Variants in COL24A1 observed in about 807,000 individuals in gnomAD.
COL24A1 encodes the protein collagen alpha-1(XXIV) chain.
A neutral mutation model predicts 253.9 loss-of-function variants in COL24A1; 224 were observed. The ratio of observed to expected loss-of-function variants is 0.88; its 90% confidence interval spans 0.79 to 0.99. The LOEUF is 0.99. Among genes scored for constraint, COL24A1 ranks in the 50% least tolerant of loss-of-function variants. The pLI, the probability that COL24A1 is intolerant of heterozygous loss-of-function variation, is 0.00. For missense variants in COL24A1, 2,131 were observed against 2,068.5 expected (o/e 1.03, Z -0.59); for synonymous variants, 685 against 673.7 (o/e 1.02, Z -0.26).
intron 12 of COL24A1, among the ~76,000 whole-genome samples, chr1:86,046,522 T>C (rs1018114939): frequency 1.3e-5 from 2 of 152,184 alleles, no homozygotes; most frequent in African/African-American, 4.8e-5. Flanking sequence ...AGTACTACCA[T>C]TTGTGTTTTA....
At chr1:85,968,584 A>C (rs961653564) in intron 22 of COL24A1, among the ~76,000 whole-genome samples, 4 of 152,206 alleles carry the variant, frequency 2.6e-5, no homozygotes, top group African/African-American at 9.6e-5. Flanking sequence ...TTCTCTACTT[A>C]ATTTAGATAT....
At chr1:85,764,630 T>C (rs979090895) in intron 53 of COL24A1, among the ~76,000 whole-genome samples, 1 of 152,166 alleles carries the variant, frequency 6.6e-6, no homozygotes, top group Non-Finnish European at 1.5e-5. Context: ...TAATTTGCTA[T>C]ATGGTCTTAA....
chr1:85,785,887 C>T (rs1167853655), intron 48 of COL24A1, among the ~76,000 whole-genome samples: 2 of 152,054 alleles, frequency 1.3e-5, no homozygotes, highest in Non-Finnish European at 2.9e-5. Flanking sequence ...GTGACAGACT[C>T]CACACAATAA....
intron 20 of COL24A1, among the ~76,000 whole-genome samples, chr1:85,977,516 T>C (rs569164917): frequency 2.2e-4 from 34 of 152,046 alleles, no homozygotes; most frequent in African/African-American, 7.5e-4. Context: ...GAAACAGATA[T>C]CATAAAAATA....
chr1:85,789,490 T>C (rs1294054056), intron 47 of COL24A1, among the ~76,000 whole-genome samples: 1 of 152,150 alleles, frequency 6.6e-6, no homozygotes, highest in Non-Finnish European at 1.5e-5. Context: ...AGATATAGGA[T>C]CATTCATCTG....
Position 86,125,139 on chromosome 1 carries a change from T to C in COL24A1, c.1197A>G (p.Gln399=), listed in dbSNP as rs377252199. ...LFKKMPSILP[Q]IKQDTITNLK... Reference sequence around the variant, plus strand: ...GATTAGTAATTGTATCTTGTTTAATTTGTGGAAGAATAGATGGCATCTTCT... The same window carrying C: ...GATTAGTAATTGTATCTTGTTTAATCTGTGGAAGAATAGATGGCATCTTCT... The change falls in exon 3 of 60, where the codon CAA becomes CAG. Residue 399 remains glutamine, a synonymous_variant. Transcript: ENST00000370571. 8.1e-5 allele frequency: 130 copies of C among 1,613,430 alleles called. No individual in the cohort carries two copies. In the African/African-American group the frequency reaches 1.4e-3, roughly 17 times the overall value.
chr1:85,786,283 C>A (rs748232814), intron 48 of COL24A1, 71 bp downstream of exon 48: 16 of 1,296,054 alleles, frequency 1.2e-5, no homozygotes, highest in Non-Finnish European at 1.7e-5. Context: ...ATTCTGTGAT[C>A]TAGCCAATGA....
chr1:85,816,957 C>T, intron 46 of COL24A1, 62 bp from the exon 47 acceptor site: 1 of 1,229,402 alleles, frequency 8.1e-7, no homozygotes, highest in Non-Finnish European at 1.2e-6. Flanking sequence ...ATGACAAATA[C>T]TTTTTTATTT....
intron 43 of COL24A1, among the ~76,000 whole-genome samples, chr1:85,832,140 C>T (rs914393304): frequency 4.6e-5 from 7 of 152,036 alleles, no homozygotes. Context: ...CAGCTTTCTA[C>T]ATATGGCTAG....
At chr1:85,782,626 A>G (rs1490363402) in intron 51 of COL24A1, among the ~76,000 whole-genome samples, 1 of 152,208 alleles carries the variant, frequency 6.6e-6, no homozygotes, top group African/African-American at 2.4e-5. Flanking sequence ...ATTGACAACA[A>G]TTTATTGTAA....
intron 12 of COL24A1, among the ~76,000 whole-genome samples, chr1:86,037,956 TAAC>T (rs1472209778): frequency 3.9e-5 from 6 of 152,162 alleles, no homozygotes; most frequent in Non-Finnish European, 8.8e-5. Flanking sequence ...CAAATTATAA[TAAC>T]AAAAAGTATT....
At chr1:86,101,982 G>A (rs1704495869) in intron 5 of COL24A1, among the ~76,000 whole-genome samples, 1 of 151,482 alleles carries the variant, frequency 6.6e-6, no homozygotes, top group South Asian at 2.1e-4. Context: ...TGTACATCTA[G>A]TAGAATTTTA....
At chr1:85,767,654 T>A (rs1424698976) in intron 53 of COL24A1, among the ~76,000 whole-genome samples, 1 of 152,152 alleles carries the variant, frequency 6.6e-6, no homozygotes, top group Admixed American at 6.6e-5. Flanking sequence ...CTTTTTTTTT[T>A]TAAACAGCAT....
chr1:85,775,788 A>C (rs915676845), intron 52 of COL24A1, 79 bp from the exon 53 acceptor site: 18 of 1,190,282 alleles, frequency 1.5e-5, no homozygotes, highest in Non-Finnish European at 1.9e-5. Context: ...TTATATGTAG[A>C]AACATGACAA....
intron 20 of COL24A1, among the ~76,000 whole-genome samples, chr1:85,977,847 T>C (rs545770053): frequency 1.0e-3 from 159 of 152,226 alleles, no homozygotes; most frequent in Non-Finnish European, 1.9e-3. Context: ...TTGCTAGAGA[T>C]AGAGACATCC....
At chr1:86,109,398 T>A (rs1323733778) in intron 5 of COL24A1, among the ~76,000 whole-genome samples, 1 of 152,224 alleles carries the variant, frequency 6.6e-6, no homozygotes, top group Non-Finnish European at 1.5e-5. Context: ...ATACCACTTA[T>A]GGCATCGTAG....
At chr1:85,869,284 C>T (rs1680144460) in intron 35 of COL24A1, among the ~76,000 whole-genome samples, 1 of 152,044 alleles carries the variant, frequency 6.6e-6, no homozygotes, top group Admixed American at 6.6e-5. Flanking sequence ...CATATTTTCT[C>T]CCTTTAAGTA....
chr1:86,046,763 A>G (rs1214221596), intron 12 of COL24A1, 62 bp downstream of exon 12: 22 of 1,572,094 alleles, frequency 1.4e-5, no homozygotes, highest in Non-Finnish European at 1.5e-5. Context: ...TTTAATAAGT[A>G]AGAACACATA....
intron 37 of COL24A1, among the ~76,000 whole-genome samples, chr1:85,860,926 T>A (rs571261082): frequency 1.4e-4 from 22 of 152,338 alleles, no homozygotes; most frequent in African/African-American, 5.1e-4. Context: ...CCCATTTGGG[T>A]TGTTTCTACT....
Sources: gnomAD v4.1 joint callset for allele counts (sites outside exome capture counted in the v4.1 genomes callset) on GRCh38, gnomAD v4.1.1 for gene constraint, MANE v1.5 for transcripts, NCBI Gene and HGNC (gene_info 2026-07-23, HGNC 2026-07-21) for gene names.